GALNTL6: variants seen among roughly 807,000 people sequenced by gnomAD.
The protein encoded by GALNTL6 is polypeptide N-acetylgalactosaminyltransferase-like 6.
GALNTL6 carries 46 observed loss-of-function variants against 73.7 expected under a neutral mutation model. That is an observed-to-expected ratio of 0.62 (90% CI 0.49 to 0.80). The LOEUF is 0.80. Among genes scored for constraint, GALNTL6 ranks in the 30% least tolerant of loss-of-function variants. GALNTL6 has a pLI of 0.00. For synonymous variants in GALNTL6, 259 were observed against 263.7 expected (o/e 0.98, Z 0.17); for missense variants, 604 against 755.0 (o/e 0.80, Z 2.34).
chr4:172,449,649 T>C (rs1732142424), intron 5 of GALNTL6, among the ~76,000 whole-genome samples: 1 of 152,206 alleles, frequency 6.6e-6, no homozygotes, highest in African/African-American at 2.4e-5. Context: ...TTCTTAGTCT[T>C]TTTTCTGTAC....
chr4:172,170,757 G>A (rs1479084706), intron 2 of GALNTL6, among the ~76,000 whole-genome samples: 1 of 151,956 alleles, frequency 6.6e-6, no homozygotes, highest in African/African-American at 2.4e-5. Flanking sequence ...GTCAGGATCT[G>A]TCCACCTTGG....
intron 5 of GALNTL6, among the ~76,000 whole-genome samples, chr4:172,749,779 T>C (rs1737324099): frequency 6.6e-6 from 1 of 152,072 alleles, no homozygotes; most frequent in Non-Finnish European, 1.5e-5. Flanking sequence ...TATTCAATCT[T>C]TCCTTCCAGG....
At position 172,537,864 on chromosome 4, in the gene GALNTL6, G is replaced by A. The variant is rs2110864590; in HGVS notation, c.553+189175G>A. Among the ~76,000 whole-genome samples, 2 of 152,266 alleles carry A rather than the reference G, an allele frequency of 1.3e-5. 1 individual carries two copies. Among genetic ancestry groups the A allele is most frequent in the South Asian group, 4.1e-4 (2 of 4,830 alleles). ...ACTACTCAGAAGTAATCAGGCATAAGCGATAAAGTGCCATTGAACACATTA... is the reference window on the plus strand; with the variant it reads ...ACTACTCAGAAGTAATCAGGCATAAACGATAAAGTGCCATTGAACACATTA... On this transcript the variant is annotated intron_variant, in intron 5 of 12. Transcript: ENST00000506823.
At chr4:172,087,684 G>A (rs567124812) in intron 2 of GALNTL6, among the ~76,000 whole-genome samples, 96 of 150,530 alleles carry the variant, frequency 6.4e-4, no homozygotes, top group African/African-American at 2.3e-3. Flanking sequence ...AGGCAGTAAT[G>A]TATACTTGAT....
intron 5 of GALNTL6, among the ~76,000 whole-genome samples, chr4:172,611,120 C>A (rs181400203): frequency 8.6e-5 from 13 of 151,906 alleles, no homozygotes; most frequent in Non-Finnish European, 1.8e-4. Context: ...CATTGCATCT[C>A]GTTTTTTTAT....
chr4:172,346,807 A>G (rs1395800665), intron 4 of GALNTL6, among the ~76,000 whole-genome samples: 6 of 152,050 alleles, frequency 3.9e-5, no homozygotes, highest in Non-Finnish European at 8.8e-5. Context: ...GTGTACTAGT[A>G]ATTTGATAGT....
chr4:172,284,024 A>G (rs978959119), intron 3 of GALNTL6, among the ~76,000 whole-genome samples: 8 of 152,142 alleles, frequency 5.3e-5, no homozygotes, highest in African/African-American at 1.9e-4. Context: ...CATGGTCTAA[A>G]TCAATCTTTG....
At chr4:172,405,360 AT>A (rs1458131222) in intron 5 of GALNTL6, among the ~76,000 whole-genome samples, 1 of 146,584 alleles carries the variant, frequency 6.8e-6, no homozygotes, top group Non-Finnish European at 1.5e-5. Context: ...CTTAATACTC[AT>A]ATATAAATAT....
chr4:171,889,472 T>C (rs1389487550), intron 2 of GALNTL6, among the ~76,000 whole-genome samples: 1 of 152,016 alleles, frequency 6.6e-6, no homozygotes, highest in African/African-American at 2.4e-5. Flanking sequence ...GGTTTGAACT[T>C]TCATGAAGTT....
intron 2 of GALNTL6, among the ~76,000 whole-genome samples, chr4:172,098,249 A>G (rs1732413173): frequency 6.6e-6 from 1 of 152,108 alleles, no homozygotes; most frequent in South Asian, 2.1e-4. Flanking sequence ...CATCTATCTA[A>G]TAAGATGTGA....
chr4:172,171,837 A>C (rs930633662), intron 2 of GALNTL6, among the ~76,000 whole-genome samples: 1 of 152,150 alleles, frequency 6.6e-6, no homozygotes, highest in East Asian at 1.9e-4. Flanking sequence ...AGCAAAAAAG[A>C]TGTAGGACAG....
intron 5 of GALNTL6, among the ~76,000 whole-genome samples, chr4:172,447,308 T>C (rs1732058159): frequency 6.6e-6 from 1 of 152,176 alleles, no homozygotes; most frequent in Non-Finnish European, 1.5e-5. Flanking sequence ...TCTCCCATTA[T>C]ATTCTGCCCT....
At chr4:172,805,196 G>A (rs1373870065) in intron 5 of GALNTL6, among the ~76,000 whole-genome samples, 1 of 152,148 alleles carries the variant, frequency 6.6e-6, no homozygotes, top group African/African-American at 2.4e-5. Flanking sequence ...TAGGACTCAT[G>A]TCTTTGACTC....
chr4:171,917,301 A>T (rs1470884996), intron 2 of GALNTL6, among the ~76,000 whole-genome samples: 1 of 152,032 alleles, frequency 6.6e-6, no homozygotes, highest in Admixed American at 6.6e-5. Flanking sequence ...AAAATTAAGG[A>T]AGGTGAGCTT....
intron 2 of GALNTL6, among the ~76,000 whole-genome samples, chr4:172,141,585 T>C (rs1733797866): frequency 6.6e-6 from 1 of 151,984 alleles, no homozygotes; most frequent in East Asian, 1.9e-4. Context: ...CTCCTTATTT[T>C]AATATTTTAA....
chr4:172,722,674 G>A (rs565135816), intron 5 of GALNTL6, among the ~76,000 whole-genome samples: 3 of 152,246 alleles, frequency 2.0e-5, no homozygotes, highest in East Asian at 1.9e-4. Context: ...CATACCATAA[G>A]TGAACTCTAA....
intron 2 of GALNTL6, among the ~76,000 whole-genome samples, chr4:171,912,222 A>G (rs1167717265): frequency 6.6e-6 from 1 of 152,182 alleles, no homozygotes; most frequent in Non-Finnish European, 1.5e-5. Flanking sequence ...TTCTACAGGT[A>G]CTCTGAATTA....
intron 2 of GALNTL6, among the ~76,000 whole-genome samples, chr4:172,142,185 G>A (rs1048642146): frequency 1.3e-5 from 2 of 151,844 alleles, no homozygotes; most frequent in Non-Finnish European, 2.9e-5. Flanking sequence ...AAAAAGCATG[G>A]TTTATTTTAA....
chr4:172,743,452 C>T (rs716645), intron 5 of GALNTL6, among the ~76,000 whole-genome samples: 54,519 of 151,930 alleles, frequency 0.36, 10,829 homozygotes, highest in African/African-American at 0.52. Flanking sequence ...ATGCTTTTAA[C>T]TGTTTTTCAC....
Sources: allele counts gnomAD v4.1 joint callset (sites outside exome capture counted in the v4.1 genomes callset), GRCh38; gene constraint gnomAD v4.1.1; transcripts MANE v1.5; gene names NCBI Gene and HGNC (gene_info 2026-07-23, HGNC 2026-07-21).